Variants in NF1 observed in about 807,000 individuals in gnomAD.
NF1 encodes neurofibromin.
Under a neutral mutation model 325.7 loss-of-function variants are expected in NF1, and 122 were observed. The observed-to-expected ratio is 0.37, with a 90% CI of 0.32 to 0.44. NF1 has a LOEUF of 0.44. NF1 is among the 20% of genes least tolerant of loss of function. NF1 has a pLI of 1.00. For synonymous variants in NF1, 1,091 were observed against 1,186.0 expected, an observed-to-expected ratio of 0.92 and a Z score of 1.65; for missense variants, 2,140 against 3,415.4, an observed-to-expected ratio of 0.63 and a Z score of 9.31.
intron 38 of NF1, among the ~76,000 whole-genome samples, chr17:31,329,048 C>G (rs2069416355): frequency 6.6e-6 from 1 of 152,098 alleles, no homozygotes; most frequent in South Asian, 2.1e-4. Flanking sequence ...GTAGTCCCAG[C>G]TACTCGGGAG....
At chr17:31,243,184 C>CTGTG (rs377472053) in intron 29 of NF1, among the ~76,000 whole-genome samples, 1,514 of 137,554 alleles carry the variant, frequency 0.011, 8 homozygotes, top group Non-Finnish European at 0.013. Flanking sequence ...CTCTCTCTGT[C>CTGTG]TGTGTGTGTG....
In NF1 at chr17:31,117,672, C is replaced by CAAA. The variant is rs780828438; in HGVS notation, c.60+22332_60+22334dup. 2.6e-3 allele frequency among the ~76,000 whole-genome samples: 52 copies of CAAA among 19,804 alleles called. 3 individuals are homozygous for CAAA. Among genetic ancestry groups the CAAA allele is most frequent in the South Asian group, 5.3e-3 (1 of 188 alleles). 13.0% of individuals were successfully genotyped at this position (19,804 alleles called of 152,430 possible). On this transcript the variant is annotated intron_variant, in intron 1 of 57. Transcript: ENST00000358273. Reference sequence around the variant, plus strand: ...TGGGTGACAGAGCAAAACTCCATCTCAAAAAAAAAAAAAAAAAAAAAAAAA... The same window carrying CAAA: ...TGGGTGACAGAGCAAAACTCCATCTCAAAAAAAAAAAAAAAAAAAAAAAAAAAA...
chr17:31,248,529 G>T (rs1015557168), intron 29 of NF1, among the ~76,000 whole-genome samples: 8 of 151,858 alleles, frequency 5.3e-5, no homozygotes, highest in Admixed American at 4.6e-4. Flanking sequence ...TCTCAAAGTT[G>T]TCTTTTTTTT....
At chr17:31,310,361 A>G (rs2068837268) in intron 36 of NF1, among the ~76,000 whole-genome samples, 1 of 152,136 alleles carries the variant, frequency 6.6e-6, no homozygotes. Flanking sequence ...ACAGGTGAAA[A>G]AAAAAGCAGT....
intron 35 of NF1, among the ~76,000 whole-genome samples, chr17:31,262,784 ATTT>A (rs989952114): frequency 1.1e-4 from 17 of 152,042 alleles, no homozygotes; most frequent in African/African-American, 4.1e-4. Context: ...GCTCTACTAG[ATTT>A]TTTTTAGTGT....
At chr17:31,319,284 A>G (rs1350835493) in intron 36 of NF1, among the ~76,000 whole-genome samples, 2 of 151,968 alleles carry the variant, frequency 1.3e-5, no homozygotes, top group Non-Finnish European at 2.9e-5. Context: ...GTGGACTATC[A>G]TGGCTTTATA....
At chr17:31,099,556 A>G (rs1374539013) in intron 1 of NF1, among the ~76,000 whole-genome samples, 1 of 133,498 alleles carries the variant, frequency 7.5e-6, no homozygotes, top group Non-Finnish European at 1.6e-5. Context: ...GTAGGTGTGT[A>G]GCTTTTTTTT....
intron 14 of NF1, 184 bp downstream of exon 14, chr17:31,219,302 TC>T: frequency 3.8e-6 from 2 of 523,066 alleles, no homozygotes; most frequent in Non-Finnish European, 6.8e-6. Flanking sequence ...TTGCTTTGTA[TC>T]ACATAGCAAT....
intron 36 of NF1, among the ~76,000 whole-genome samples, chr17:31,287,106 G>T (rs537782956): frequency 6.6e-6 from 1 of 152,084 alleles, no homozygotes; most frequent in African/African-American, 2.4e-5. Context: ...TTTTTTAGGG[G>T]ATAAATAACA....
At chr17:31,280,466 G>A (rs1032278975) in intron 36 of NF1, among the ~76,000 whole-genome samples, 2 of 147,436 alleles carry the variant, frequency 1.4e-5, no homozygotes, top group Admixed American at 6.8e-5. Context: ...GCAGTGAACC[G>A]GGATCGCGCC....
At chr17:31,268,211 T>C (rs543172261) in intron 36 of NF1, among the ~76,000 whole-genome samples, 6 of 152,324 alleles carry the variant, frequency 3.9e-5, no homozygotes, top group Admixed American at 1.3e-4. Flanking sequence ...AAAGAAAATA[T>C]GATTCAGCTA....
chr17:31,373,112 A>C (rs541418701), intron 57 of NF1, among the ~76,000 whole-genome samples: 2 of 152,336 alleles, frequency 1.3e-5, no homozygotes, highest in South Asian at 4.1e-4. Flanking sequence ...GCAGAATGTG[A>C]AATGACTTGG....
chr17:31,311,489 A>G (rs977800139), intron 36 of NF1, among the ~76,000 whole-genome samples: 1 of 152,210 alleles, frequency 6.6e-6, no homozygotes, highest in Non-Finnish European at 1.5e-5. Flanking sequence ...ATTATCTCTA[A>G]CTAGTGAAGT....
At chr17:31,200,681 T>A (rs2066512340) in intron 9 of NF1, 86 bp downstream of exon 9, 3 of 1,460,176 alleles carry the variant, frequency 2.1e-6, no homozygotes, top group Non-Finnish European at 2.9e-6. Context: ...AGATAATTGC[T>A]AACATTAAAG....
chr17:31,183,209 T>G, intron 8 of NF1: 1 of 211,730 alleles, frequency 4.7e-6, no homozygotes, highest in Admixed American at 5.8e-5. Context: ...AAATATCACC[T>G]AGGTGATTGA....
rs755620051 is a variant in NF1, at chr17:31,327,480, C to T, written c.5269-19C>T. ...AGTTTAATTCTTCTCCACTTCACCCCGTCACCACCACTTTCCAGGTTGGTT... is the reference window on the plus strand; with the variant it reads ...AGTTTAATTCTTCTCCACTTCACCCTGTCACCACCACTTTCCAGGTTGGTT... On this transcript the variant is annotated intron_variant, in intron 37 of 57. Coordinates refer to ENST00000358273, the MANE Select transcript of NF1 (RefSeq NM_001042492.3). 22 of 1,597,312 alleles carry T rather than the reference C, an allele frequency of 1.4e-5. No individual in the cohort carries two copies. Among genetic ancestry groups the T allele is most frequent in the Non-Finnish European group, 1.7e-5 (20 of 1,167,978 alleles).
intron 5 of NF1, among the ~76,000 whole-genome samples, chr17:31,173,925 T>A (rs138970865): frequency 8.5e-5 from 13 of 152,298 alleles, no homozygotes; most frequent in African/African-American, 2.9e-4. Context: ...AGTAATGTCA[T>A]TATTTGGAAA....
intron 36 of NF1, among the ~76,000 whole-genome samples, chr17:31,317,079 G>C (rs1340193373): frequency 6.6e-6 from 1 of 152,092 alleles, no homozygotes; most frequent in Non-Finnish European, 1.5e-5. Flanking sequence ...AGAAGGGAGA[G>C]TAAGATTGTA....
At chr17:31,261,395 G>A (rs2067683435) in intron 34 of NF1, among the ~76,000 whole-genome samples, 1 of 152,102 alleles carries the variant, frequency 6.6e-6, no homozygotes. Flanking sequence ...TCCTATGTAT[G>A]AAGAGTTCCT....
Sources: gnomAD v4.1 joint callset for allele counts (sites outside exome capture counted in the v4.1 genomes callset) on GRCh38, gnomAD v4.1.1 for gene constraint, MANE v1.5 for transcripts, NCBI Gene and HGNC (gene_info 2026-07-23, HGNC 2026-07-21) for gene names.